Variants in SNX13 observed in about 807,000 individuals in gnomAD.
SNX13 encodes sorting nexin 13, also known as sorting nexin-13.
A neutral mutation model predicts 133.6 loss-of-function variants in SNX13; 45 were observed. That is an observed-to-expected ratio of 0.34 (90% CI 0.27 to 0.43). The LOEUF (loss-of-function observed/expected upper bound fraction) is 0.43, where lower values mean the gene tolerates loss of function less well. SNX13 is among the 20% of genes least tolerant of loss of function. The pLI, the probability that SNX13 is intolerant of heterozygous loss-of-function variation, is 1.00. For synonymous variants in SNX13, 414 were observed against 373.9 expected, an observed-to-expected ratio of 1.11 and a Z score of -1.24; for missense variants, 1,032 against 1,145.1, an observed-to-expected ratio of 0.90 and a Z score of 1.43.
intron 20 of SNX13, among the ~76,000 whole-genome samples, chr7:17,806,008 A>G (rs1785254583): frequency 6.6e-6 from 1 of 152,214 alleles, no homozygotes; most frequent in Non-Finnish European, 1.5e-5. Flanking sequence ...TTTAAAGTAG[A>G]TTTTTAGAAA....
At position 17,816,215 on chromosome 7, in the gene SNX13, T is replaced by C. The variant is rs1583344077; in HGVS notation, c.1920A>G (p.Glu640=). ...ATGCATTTAGATCCTTTTTTCTCTTTTCTAAAAAATCTCTATCCATATTAT... is the reference window on the plus strand; with the variant it reads ...ATGCATTTAGATCCTTTTTTCTCTTCTCTAAAAAATCTCTATCCATATTAT... ...TFNNMDRDFL[E]KRKKDLNAYL... Residue 640 remains glutamate, a synonymous_variant, in exon 19 of 26, where the codon GAA becomes GAG. Transcript: ENST00000428135. The C allele has an allele frequency of 6.5e-7, 1 of 1,541,008 alleles. No individual in the cohort carries two copies. The highest frequency in any genetic ancestry group is 8.8e-7 in the Non-Finnish European group (1 of 1,141,456).
chr7:17,897,425 A>G lies in SNX13; in HGVS notation c.34T>C (p.Trp12Arg), dbSNP rs1381677263. ...AAAAGGACAATGCCAAGGCTTCCCCATCCCCATATGGATAGACTGGCCTGA... is the reference window on the plus strand; with the variant it reads ...AAAAGGACAATGCCAAGGCTTCCCCGTCCCCATATGGATAGACTGGCCTGA... ...LTEASLSIWG[W>R]GSLGIVLFLI... Residue 12 changes from tryptophan to arginine, a missense_variant, in exon 2 of 26, where the codon TGG (tryptophan) becomes CGG (arginine). By Grantham distance (101) the Trp-to-Arg change is moderately radical. Transcript: ENST00000428135. 2 of 1,601,756 alleles carry G rather than the reference A, an allele frequency of 1.2e-6. No individual in the cohort carries two copies. The highest frequency in any genetic ancestry group is 1.3e-5 in the African/African-American group (1 of 74,732).
intron 11 of SNX13, among the ~76,000 whole-genome samples, chr7:17,846,748 T>C (rs900554802): frequency 9.9e-5 from 15 of 152,166 alleles, no homozygotes; most frequent in Admixed American, 5.9e-4. Context: ...TGACTTTAGA[T>C]GTCTGGTAGA....
At chr7:17,912,000 C>G (rs1240800623) in intron 1 of SNX13, among the ~76,000 whole-genome samples, 1 of 152,114 alleles carries the variant, frequency 6.6e-6, no homozygotes, top group African/African-American at 2.4e-5. Flanking sequence ...TCAATCCAGG[C>G]AGATTTTTTT....
intron 1 of SNX13, among the ~76,000 whole-genome samples, chr7:17,910,184 G>A (rs2714864): frequency 0.36 from 54,192 of 151,948 alleles, 10,189 homozygotes; most frequent in East Asian, 0.62. Flanking sequence ...GCAATAAATA[G>A]ACTGATATTT....
chr7:17,911,225 C>T (rs967760972), intron 1 of SNX13, among the ~76,000 whole-genome samples: 2 of 152,196 alleles, frequency 1.3e-5, no homozygotes, highest in African/African-American at 4.8e-5. Context: ...CTCTCATTAA[C>T]TGTATCTGTA....
intron 11 of SNX13, 130 bp from the exon 12 acceptor site, chr7:17,845,824 T>C: frequency 1.7e-6 from 1 of 575,378 alleles, no homozygotes; most frequent in Non-Finnish European, 3.0e-6. Context: ...CTCATGCATG[T>C]TGTTTCCCAA....
intron 1 of SNX13, among the ~76,000 whole-genome samples, chr7:17,916,783 G>A (rs771339134): frequency 6.6e-6 from 1 of 151,702 alleles, no homozygotes; most frequent in Admixed American, 6.6e-5. Context: ...AAAAAAACTA[G>A]GAGGAGGGAT....
At chr7:17,841,881 G>A (rs117891254) in intron 12 of SNX13, among the ~76,000 whole-genome samples, 5,290 of 152,016 alleles carry the variant, frequency 0.035, 110 homozygotes, top group South Asian at 0.07. Context: ...TGCACTAAAG[G>A]AAATTTAAGG....
Position 17,799,165 on chromosome 7 carries a change from A to G in SNX13, c.2299-11T>C, listed in dbSNP as rs1784365857. 1.9e-6 allele frequency: 3 copies of G among 1,583,448 alleles called. No homozygotes were observed. The highest frequency in any genetic ancestry group is 1.4e-5 in the African/African-American group (1 of 73,286). ...AATATTGTCATCCACCTGACAAAATATAAGAAATAAGAATAAGTTTGAGTT... is the reference window on the plus strand; with the variant it reads ...AATATTGTCATCCACCTGACAAAATGTAAGAAATAAGAATAAGTTTGAGTT... On this transcript the variant is annotated splice_polypyrimidine_tract_variant and intron_variant, in intron 22 of 25. Coordinates refer to ENST00000428135, the MANE Select transcript of SNX13 (RefSeq NM_015132.5).
chr7:17,841,261 T>C (rs1789835274), intron 12 of SNX13, among the ~76,000 whole-genome samples: 2 of 152,150 alleles, frequency 1.3e-5, no homozygotes, highest in East Asian at 1.9e-4. Context: ...CCTTGACTCC[T>C]ACAGTTTTAC....
At chr7:17,927,151 A>C (rs756521493) in intron 1 of SNX13, among the ~76,000 whole-genome samples, 2 of 151,094 alleles carry the variant, frequency 1.3e-5, no homozygotes, top group African/African-American at 2.4e-5. Context: ...TGACATATAT[A>C]TACATTACAT....
chr7:17,899,960 C>T (rs1268652760), intron 1 of SNX13: 2 of 152,132 alleles, frequency 1.3e-5, no homozygotes, highest in African/African-American at 4.8e-5. Flanking sequence ...GAAGGCTTTC[C>T]AGGTATTCAA....
At chr7:17,907,327 T>C (rs1798509302) in intron 1 of SNX13, 1 of 152,158 alleles carries the variant, frequency 6.6e-6, no homozygotes, top group South Asian at 2.1e-4. Context: ...TCCAGTCAAG[T>C]TTTTTCTTTC....
intron 7 of SNX13, 24 bp downstream of exon 7, chr7:17,875,455 CA>C: frequency 6.3e-7 from 1 of 1,594,796 alleles, no homozygotes; most frequent in Non-Finnish European, 8.5e-7. Context: ...CTACTATTGT[CA>C]AAAAAGTTAA....
chr7:17,847,130 A>C (rs1200275441), intron 11 of SNX13, among the ~76,000 whole-genome samples: 1 of 152,202 alleles, frequency 6.6e-6, no homozygotes. Context: ...GATCTAGATA[A>C]GGAAGTAGTT....
At chr7:17,894,697 T>A (rs1797013937) in intron 2 of SNX13, among the ~76,000 whole-genome samples, 1 of 152,150 alleles carries the variant, frequency 6.6e-6, no homozygotes, top group Non-Finnish European at 1.5e-5. Context: ...GTGTTGGAAA[T>A]CCATCAAAAA....
chr7:17,797,906 T>C (rs1159295557), intron 24 of SNX13, among the ~76,000 whole-genome samples: 1 of 151,824 alleles, frequency 6.6e-6, no homozygotes, highest in Non-Finnish European at 1.5e-5. Flanking sequence ...ACTTCTCTAA[T>C]CCTCAATTTC....
chr7:17,799,237 T>A, intron 22 of SNX13, 83 bp from the exon 23 acceptor site: 2 of 1,167,868 alleles, frequency 1.7e-6, no homozygotes, highest in Non-Finnish European at 2.3e-6. Flanking sequence ...ACGAAATGAT[T>A]GATATTTCAC....
Sources: allele counts gnomAD v4.1 joint callset (sites outside exome capture counted in the v4.1 genomes callset), GRCh38; gene constraint gnomAD v4.1.1; transcripts MANE v1.5; gene names NCBI Gene and HGNC (gene_info 2026-07-23, HGNC 2026-07-21).